TMCC3: variants seen among roughly 807,000 people sequenced by gnomAD.
The protein encoded by TMCC3 is transmembrane and coiled-coil domain protein 3.
In TMCC3, 28 loss-of-function variants were observed where a neutral mutation model predicts 40.2. The observed-to-expected ratio is 0.70, with a 90% CI of 0.52 to 0.95. The LOEUF is 0.95. TMCC3 is among the 40% of genes least tolerant of loss of function. The pLI is 0.00. For synonymous variants in TMCC3, 255 were observed against 248.5 expected (o/e 1.03, Z -0.25); for missense variants, 554 against 615.2 (o/e 0.90, Z 1.05).
chr12:94,627,022 G>C (rs990850126), intron 1 of TMCC3, among the ~76,000 whole-genome samples: 1 of 151,990 alleles, frequency 6.6e-6, no homozygotes, highest in African/African-American at 2.4e-5. Context: ...TACCACACCA[G>C]GCTAATTTTT....
At chr12:94,588,979 C>T (rs939859731) in intron 1 of TMCC3, among the ~76,000 whole-genome samples, 1 of 152,118 alleles carries the variant, frequency 6.6e-6, no homozygotes, top group African/African-American at 2.4e-5. Context: ...CATGCCACCA[C>T]ACCCAGCTAA....
At position 94,570,513 on chromosome 12, in the gene TMCC3, T is replaced by A. The variant is rs934741399; in HGVS notation, c.*922A>T. 53 of 152,194 alleles carry A rather than the reference T, an allele frequency of 3.5e-4. No individual in the cohort carries two copies. The highest frequency in any genetic ancestry group is 1.2e-3 in the African/African-American group (51 of 41,444). 9.4% of individuals were successfully genotyped at this position (152,194 alleles called of 1,614,324 possible). A position where few individuals can be genotyped will look rare whatever the true frequency, so the allele number is the denominator to read the frequency against. On this transcript the variant is annotated 3_prime_UTR_variant, in exon 4 of 4. Coordinates refer to ENST00000261226, the MANE Select transcript of TMCC3 (RefSeq NM_020698.4). Reference sequence around the variant, plus strand: ...GGCTTGTGCCTGCAGTCCCGGCTGCTTGGGAGGCTGAGGTGGGAGGATCCC... The same window carrying A: ...GGCTTGTGCCTGCAGTCCCGGCTGCATGGGAGGCTGAGGTGGGAGGATCCC...
chr12:94,643,181 ACT>A (rs1225439117), intron 1 of TMCC3, among the ~76,000 whole-genome samples: 1 of 145,820 alleles, frequency 6.9e-6, no homozygotes, highest in African/African-American at 2.7e-5. Context: ...AAAGAGCAAG[ACT>A]CTGTCTAAAA....
At chr12:94,650,277 G>T in intron 1 of TMCC3, 76 bp downstream of exon 1, 1 of 959,866 alleles carries the variant, frequency 1.0e-6, no homozygotes, top group Non-Finnish European at 1.3e-6. Context: ...GCGTGGGTTA[G>T]CACTGAGCCG....
At chr12:94,619,008 C>T (rs966257443) in intron 1 of TMCC3, among the ~76,000 whole-genome samples, 8 of 152,184 alleles carry the variant, frequency 5.3e-5, no homozygotes, top group African/African-American at 1.9e-4. Flanking sequence ...GGCACCCAGC[C>T]CGTGGTCTAC....
chr12:94,582,343 T>C lies in TMCC3; in HGVS notation c.274A>G (p.Asn92Asp). The change falls in exon 2 of 4, where the codon AAT becomes GAT. Residue 92 changes from asparagine (N) to aspartate (D), a missense_variant. Physicochemically the swap from Asn to Asp is conservative, Grantham distance 23. Transcript: ENST00000261226. ...ACTAGTTTCAGATACTCCGCAACAT[T>C]CCCATCGCGCGATGTTTGCTCAATT... ...IKIEQTSRDG[N>D]VAEYLKLVNN... 1 of 1,613,990 alleles carries C rather than the reference T, an allele frequency of 6.2e-7. No homozygotes were observed. Among genetic ancestry groups the C allele is most frequent in the African/African-American group, 1.3e-5 (1 of 74,988 alleles).
chr12:94,574,404 A>C (rs1416750059), intron 3 of TMCC3, among the ~76,000 whole-genome samples: 3 of 151,780 alleles, frequency 2.0e-5, no homozygotes, highest in East Asian at 1.9e-4. Context: ...AAAAAAAAAA[A>C]CAGAATGTGA....
At chr12:94,588,961 C>G (rs980101034) in intron 1 of TMCC3, among the ~76,000 whole-genome samples, 3 of 151,960 alleles carry the variant, frequency 2.0e-5, no homozygotes, top group African/African-American at 7.3e-5. Context: ...GTAGCTGGAA[C>G]TAAGGCACAT....
At position 94,581,771 on chromosome 12, in the gene TMCC3, G is replaced by A. The variant is rs773291388; in HGVS notation, c.846C>T (p.Asp282=). The change falls in exon 2 of 4, where the codon GAC becomes GAT. Residue 282 remains aspartate, a synonymous_variant. Transcript: ENST00000261226. ...SFGAGGASTL[D]SQGKLAVILE... ...GGATCACGGCGAGCTTGCCCTGGCTGTCCAGTGTGCTGGCTCCACCAGCCC... is the reference window on the plus strand; with the variant it reads ...GGATCACGGCGAGCTTGCCCTGGCTATCCAGTGTGCTGGCTCCACCAGCCC... The A allele has an allele frequency of 5.7e-5, 92 of 1,614,162 alleles. No individual in the cohort carries two copies. Among genetic ancestry groups the A allele is most frequent in the East Asian group, 4.7e-4 (21 of 44,880 alleles).
intron 1 of TMCC3, among the ~76,000 whole-genome samples, chr12:94,595,823 G>A (rs1480920599): frequency 1.3e-5 from 2 of 151,564 alleles, no homozygotes; most frequent in Non-Finnish European, 2.9e-5. Context: ...CTAAAAAGCT[G>A]CCTTTAGTTG....
At chr12:94,598,706 C>T (rs2068732783) in intron 1 of TMCC3, 1 of 985,436 alleles carries the variant, frequency 1.0e-6, no homozygotes. Context: ...AGGCTTTCTT[C>T]TCCCACAGCC....
chr12:94,601,808 CAAAAA>C lies in TMCC3; in HGVS notation c.79-19275_79-19271del, dbSNP rs61372290. 6.2e-3 allele frequency among the ~76,000 whole-genome samples: 476 copies of C among 76,622 alleles called. 1 individual carries two copies. The highest frequency in any genetic ancestry group is 0.033 in the African/African-American group (452 of 13,540). 50.3% of individuals were successfully genotyped at this position (76,622 alleles called of 152,430 possible). A position where few individuals can be genotyped will look rare whatever the true frequency, so the allele number is the denominator to read the frequency against. On this transcript the variant is annotated intron_variant, in intron 1 of 3. Coordinates refer to ENST00000261226, the MANE Select transcript of TMCC3 (RefSeq NM_020698.4). Reference sequence around the variant, plus strand: ...TGGGTGACAGAGTGAGACCTGGTCTCAAAAAAAAAAAAAAAAAAAAAAAAAAAAGA... The same window carrying C: ...TGGGTGACAGAGTGAGACCTGGTCTCAAAAAAAAAAAAAAAAAAAAAAAGA...
At chr12:94,628,456 C>T (rs2068915192) in intron 1 of TMCC3, among the ~76,000 whole-genome samples, 1 of 152,222 alleles carries the variant, frequency 6.6e-6, no homozygotes, top group Non-Finnish European at 1.5e-5. Context: ...CTCACCAGAG[C>T]TACCAATGAC....
rs1039972882 is a variant in TMCC3, at chr12:94,569,498, G to A, written c.*1937C>T. 1.3e-5 allele frequency: 2 copies of A among 152,194 alleles called. No homozygotes were observed. The highest frequency in any genetic ancestry group is 4.8e-5 in the African/African-American group (2 of 41,434). The allele number at this position is 152,194 out of a possible 1,614,324, so 9.4% of individuals were successfully genotyped here. A position where few individuals can be genotyped will look rare whatever the true frequency, so the allele number is the denominator to read the frequency against. Reference sequence around the variant, plus strand: ...CATGAGATCAGGGTGGGACTGGTAAGGGAGCTCTTCTCTGAATCCAAAATA... The same window carrying A: ...CATGAGATCAGGGTGGGACTGGTAAAGGAGCTCTTCTCTGAATCCAAAATA... On this transcript the variant is annotated 3_prime_UTR_variant, in exon 4 of 4. Transcript: ENST00000261226.
intron 1 of TMCC3, chr12:94,598,752 G>C: frequency 1.0e-6 from 1 of 985,428 alleles, no homozygotes; most frequent in Non-Finnish European, 1.2e-6. Flanking sequence ...TCGTGTTTCA[G>C]GCAGAGAACA....
intron 1 of TMCC3, among the ~76,000 whole-genome samples, chr12:94,632,879 G>A (rs755695992): frequency 2.6e-5 from 4 of 152,216 alleles, no homozygotes; most frequent in Non-Finnish European, 4.4e-5. Context: ...AGCCGAGGCA[G>A]GCAGATCACT....
At chr12:94,621,090 T>C (rs1415425960) in intron 1 of TMCC3, among the ~76,000 whole-genome samples, 1 of 152,258 alleles carries the variant, frequency 6.6e-6, no homozygotes, top group Admixed American at 6.5e-5. Context: ...AATTTGGATG[T>C]GGCTGGCATT....
intron 1 of TMCC3, among the ~76,000 whole-genome samples, chr12:94,610,401 T>C (rs549684208): frequency 1.8e-3 from 265 of 151,412 alleles, no homozygotes; most frequent in African/African-American, 6.3e-3. Flanking sequence ...TGGGCTTCCA[T>C]ATAGTTCTGA....
chr12:94,584,514 T>C (rs1225354407), intron 1 of TMCC3, among the ~76,000 whole-genome samples: 3 of 152,026 alleles, frequency 2.0e-5, no homozygotes, highest in Admixed American at 2.0e-4. Flanking sequence ...TGATCCAGAC[T>C]TGAATATGGA....
Sources: allele counts gnomAD v4.1 joint callset (sites outside exome capture counted in the v4.1 genomes callset), GRCh38; gene constraint gnomAD v4.1.1; transcripts MANE v1.5; gene names NCBI Gene and HGNC (gene_info 2026-07-23, HGNC 2026-07-21).